The following SGCZ variants were observed in gnomAD, a reference collection of about 807,000 sequenced individuals.
SGCZ encodes sarcoglycan zeta, also known as zeta-sarcoglycan.
SGCZ carries 40 observed loss-of-function variants against 41.3 expected under a neutral mutation model. The ratio of observed to expected loss-of-function variants is 0.97; its 90% CI spans 0.75 to 1.26. The LOEUF (loss-of-function observed/expected upper bound fraction) is 1.26. Among genes scored for constraint, SGCZ ranks in the 50% most tolerant of loss-of-function variants. The pLI is 0.00. For missense variants in SGCZ, 552 were observed against 369.8 expected, an observed-to-expected ratio of 1.49 and a Z score of -4.04; for synonymous variants, 206 against 137.5, an observed-to-expected ratio of 1.50 and a Z score of -3.49.
rs532856673 is a variant in SGCZ at position 14,203,324 on chromosome 8, T to C, written c.424+34268A>G. On this transcript the variant is annotated intron_variant, in intron 4 of 7. Transcript: ENST00000382080. ...TAAGACGAGAAGAGTGTAGGAGATC[T>C]TTTCTTATCTACGTTCATAAATGAG... 2.0e-5 allele frequency among the ~76,000 whole-genome samples: 3 copies of C among 152,278 alleles called. No homozygotes were observed. In the South Asian group the frequency reaches 6.2e-4, roughly 32 times the overall value.
chr8:14,430,371 G>A (rs965228454), intron 2 of SGCZ, among the ~76,000 whole-genome samples: 2 of 151,974 alleles, frequency 1.3e-5, no homozygotes, highest in East Asian at 1.9e-4. Flanking sequence ...TTCATACCAG[G>A]GATGCAGTAA....
intron 2 of SGCZ, among the ~76,000 whole-genome samples, chr8:14,454,974 T>C (rs914921584): frequency 1.3e-5 from 2 of 152,150 alleles, no homozygotes; most frequent in Admixed American, 1.3e-4. Flanking sequence ...GTAGGAAAAG[T>C]ATTCCTACGG....
intron 1 of SGCZ, among the ~76,000 whole-genome samples, chr8:14,594,325 T>TA (rs1563139511): frequency 1.3e-5 from 2 of 152,068 alleles, no homozygotes; most frequent in Non-Finnish European, 2.9e-5. Context: ...ATGTTGATGC[T>TA]ACTGGTCCAG....
At chr8:14,658,181 C>G (rs1807634924) in intron 1 of SGCZ, among the ~76,000 whole-genome samples, 1 of 152,152 alleles carries the variant, frequency 6.6e-6, no homozygotes, top group African/African-American at 2.4e-5. Flanking sequence ...TCCTCAAGCC[C>G]AAACCCTGGA....
intron 4 of SGCZ, among the ~76,000 whole-genome samples, chr8:14,226,098 C>T (rs888419994): frequency 1.3e-5 from 2 of 151,966 alleles, no homozygotes; most frequent in African/African-American, 4.8e-5. Flanking sequence ...GTTATAAAAA[C>T]CCAGGCATAC....
intron 1 of SGCZ, among the ~76,000 whole-genome samples, chr8:14,720,727 T>C (rs143023178): frequency 6.6e-6 from 1 of 152,170 alleles, no homozygotes; most frequent in Non-Finnish European, 1.5e-5. Context: ...AGTTGCAACA[T>C]AGACCACGTA....
At chr8:15,101,021 T>C (rs553895276) in intron 1 of SGCZ, among the ~76,000 whole-genome samples, 1 of 151,636 alleles carries the variant, frequency 6.6e-6, no homozygotes, top group Non-Finnish European at 1.5e-5. Flanking sequence ...CCATTTGTAA[T>C]AAAAAACAAA....
At chr8:14,150,918 A>G (rs1197455132) in intron 5 of SGCZ, among the ~76,000 whole-genome samples, 1 of 152,220 alleles carries the variant, frequency 6.6e-6, no homozygotes, top group Non-Finnish European at 1.5e-5. Flanking sequence ...GAACTAAGCC[A>G]GGCACAGAAA....
At chr8:14,204,248 G>A (rs900340174) in intron 4 of SGCZ, among the ~76,000 whole-genome samples, 10 of 150,692 alleles carry the variant, frequency 6.6e-5, no homozygotes, top group African/African-American at 2.2e-4. Flanking sequence ...GATGGATCTT[G>A]CTATTTGGGT....
intron 1 of SGCZ, among the ~76,000 whole-genome samples, chr8:14,669,175 C>A (rs879387395): frequency 8.1e-6 from 1 of 124,144 alleles, no homozygotes; most frequent in Non-Finnish European, 1.6e-5. Flanking sequence ...TCTCTACAAA[C>A]ACACACACAC....
At chr8:14,431,533 A>C (rs1398941118) in intron 2 of SGCZ, among the ~76,000 whole-genome samples, 1 of 152,216 alleles carries the variant, frequency 6.6e-6, no homozygotes, top group East Asian at 1.9e-4. Context: ...TTATACAAAA[A>C]TCAACTCAAG....
chr8:15,189,799 C>A (rs537334840), intron 1 of SGCZ, among the ~76,000 whole-genome samples: 1 of 152,136 alleles, frequency 6.6e-6, no homozygotes, highest in Non-Finnish European at 1.5e-5. Context: ...AATCTGACTG[C>A]CTTCGTTTCC....
At chr8:14,836,243 A>T (rs761305798) in intron 1 of SGCZ, among the ~76,000 whole-genome samples, 1 of 152,150 alleles carries the variant, frequency 6.6e-6, no homozygotes, top group Non-Finnish European at 1.5e-5. Flanking sequence ...GAGCCAATGA[A>T]CTCTACAATC....
intron 3 of SGCZ, among the ~76,000 whole-genome samples, chr8:14,238,926 T>C (rs1039677125): frequency 6.6e-6 from 1 of 151,934 alleles, no homozygotes; most frequent in African/African-American, 2.4e-5. Context: ...ATATTAAAAC[T>C]CTCAATATTA....
chr8:14,257,489 T>C, intron 3 of SGCZ, among the ~76,000 whole-genome samples: 1 of 38,900 alleles, frequency 2.6e-5, no homozygotes, highest in East Asian at 8.1e-4. Context: ...CGTATGACAA[T>C]TTTTTTTTTA....
intron 4 of SGCZ, among the ~76,000 whole-genome samples, chr8:14,178,472 C>G (rs966036941): frequency 6.6e-6 from 1 of 152,172 alleles, no homozygotes; most frequent in Non-Finnish European, 1.5e-5. Flanking sequence ...TAATTTAGAT[C>G]CAGCTGTCTT....
At chr8:14,737,687 T>A (rs547982732) in intron 1 of SGCZ, among the ~76,000 whole-genome samples, 8 of 152,106 alleles carry the variant, frequency 5.3e-5, no homozygotes, top group Admixed American at 1.3e-4. Context: ...TGTTTTCATA[T>A]GGCCTTCTCT....
chr8:14,486,078 G>A (rs960742370), intron 2 of SGCZ, among the ~76,000 whole-genome samples: 4 of 152,192 alleles, frequency 2.6e-5, no homozygotes, highest in Middle Eastern at 3.4e-3. Flanking sequence ...ACAAAATAAC[G>A]TCAGTTAATA....
intron 2 of SGCZ, among the ~76,000 whole-genome samples, chr8:14,519,095 A>G (rs1278359253): frequency 1.3e-5 from 2 of 151,062 alleles, no homozygotes; most frequent in Non-Finnish European, 2.9e-5. Flanking sequence ...AGACAGAGAT[A>G]TATAGTGCCT....
Sources: gnomAD v4.1 joint callset for allele counts (sites outside exome capture counted in the v4.1 genomes callset) on GRCh38, gnomAD v4.1.1 for gene constraint, MANE v1.5 for transcripts, NCBI Gene and HGNC (gene_info 2026-07-23, HGNC 2026-07-21) for gene names.